Variants in TRPM3 observed in about 807,000 individuals in gnomAD.
The protein encoded by TRPM3 is long transient receptor potential channel 3.
TRPM3 carries 77 observed loss-of-function variants against 181.2 expected under a neutral mutation model. That is an observed-to-expected ratio of 0.42 (90% CI 0.35 to 0.51). TRPM3 has a LOEUF of 0.51. Among genes scored for constraint, TRPM3 ranks in the 20% least tolerant of loss-of-function variants. The pLI, the probability that TRPM3 is intolerant of heterozygous loss-of-function variation, is 0.01. For missense variants in TRPM3, 1,759 were observed against 2,196.7 expected, an observed-to-expected ratio of 0.80 and a Z score of 3.98; for synonymous variants, 745 against 796.4, an observed-to-expected ratio of 0.94 and a Z score of 1.09.
chr9:71,230,789 G>T (rs1281574784), intron 1 of TRPM3, among the ~76,000 whole-genome samples: 1 of 152,280 alleles, frequency 6.6e-6, no homozygotes, highest in East Asian at 1.9e-4. Flanking sequence ...GAACTGAAGA[G>T]CACCTAAGGC....
At chr9:70,701,605 G>C (rs1186256884) in intron 8 of TRPM3, among the ~76,000 whole-genome samples, 2 of 152,032 alleles carry the variant, frequency 1.3e-5, no homozygotes, top group Non-Finnish European at 2.9e-5. Context: ...GTAGTTAAGG[G>C]ATCTGTATTA....
chr9:70,995,341 G>T (rs1355079490), intron 1 of TRPM3, among the ~76,000 whole-genome samples: 1 of 152,180 alleles, frequency 6.6e-6, no homozygotes, highest in Non-Finnish European at 1.5e-5. Context: ...TAGTTCAGGG[G>T]AGATAAAAAG....
At chr9:71,291,295 C>T (rs1197079531) in intron 1 of TRPM3, among the ~76,000 whole-genome samples, 2 of 152,136 alleles carry the variant, frequency 1.3e-5, no homozygotes, top group African/African-American at 2.4e-5. Flanking sequence ...GCCAGCATAA[C>T]AAGGAAGTAA....
intron 1 of TRPM3, among the ~76,000 whole-genome samples, chr9:71,282,255 GAAA>G (rs2084844638): frequency 1.1e-5 from 1 of 91,220 alleles, no homozygotes; most frequent in African/African-American, 4.4e-5. Flanking sequence ...AAGAAAGAAA[GAAA>G]GGAAAGAAAG....
At chr9:71,422,846 T>C (rs2093801822) in intron 1 of TRPM3, among the ~76,000 whole-genome samples, 1 of 152,006 alleles carries the variant, frequency 6.6e-6, no homozygotes, top group South Asian at 2.1e-4. Flanking sequence ...TTAGATACCT[T>C]TCTGCTCAGT....
chr9:70,967,511 A>C (rs960793752), intron 1 of TRPM3, among the ~76,000 whole-genome samples: 1 of 152,166 alleles, frequency 6.6e-6, no homozygotes, highest in African/African-American at 2.4e-5. Context: ...AACTTATACT[A>C]CAGATAGTTG....
intron 1 of TRPM3, among the ~76,000 whole-genome samples, chr9:71,320,320 A>T (rs63108960): frequency 9.9e-6 from 1 of 101,416 alleles, no homozygotes; most frequent in Non-Finnish European, 2.3e-5. Context: ...AATGTTAATT[A>T]AAAAAAAAAA....
At chr9:70,843,242 T>G in intron 4 of TRPM3, 115 bp from the exon 5 acceptor site, 1 of 1,138,962 alleles carries the variant, frequency 8.8e-7, no homozygotes, top group Non-Finnish European at 1.2e-6. Flanking sequence ...AATATAAAAT[T>G]TTGACACATT....
In TRPM3 at chr9:70,904,743, C is replaced by T. The variant is rs147939322; in HGVS notation, c.178-40232G>A. On this transcript the variant is annotated intron_variant, in intron 1 of 25. Coordinates refer to ENST00000677713, the MANE Select transcript of TRPM3 (RefSeq NM_001366145.2). ...ATTTTTCAGAGGTGTTGAAGTTTTG[C>T]TGTAGAGACAGGTCAACAAGATTTA... Among the ~76,000 whole-genome samples, 123 of 152,234 alleles carry T rather than the reference C, an allele frequency of 8.1e-4. 1 individual carries two copies. The East Asian group carries it at 0.016, about 19-fold the overall frequency.
chr9:71,371,428 A>T (rs2092509543), intron 1 of TRPM3, among the ~76,000 whole-genome samples: 1 of 152,232 alleles, frequency 6.6e-6, no homozygotes, highest in Non-Finnish European at 1.5e-5. Flanking sequence ...TTACAACTAT[A>T]ATAGATGACT....
intron 1 of TRPM3, among the ~76,000 whole-genome samples, chr9:71,059,858 C>A (rs755523550): frequency 2.6e-5 from 4 of 152,004 alleles, no homozygotes; most frequent in Non-Finnish European, 5.9e-5. Flanking sequence ...CACACATACA[C>A]CCTATTGATT....
At chr9:70,757,477 C>T (rs917781739) in intron 8 of TRPM3, among the ~76,000 whole-genome samples, 8 of 152,170 alleles carry the variant, frequency 5.3e-5, no homozygotes, top group Non-Finnish European at 8.8e-5. Context: ...CTCTATAACT[C>T]GTTTTATGAA....
intron 1 of TRPM3, among the ~76,000 whole-genome samples, chr9:71,246,160 T>C (rs557865297): frequency 2.0e-4 from 30 of 152,310 alleles, no homozygotes; most frequent in African/African-American, 7.0e-4. Context: ...GATCCAATAA[T>C]GGGTACAAAA....
At chr9:70,980,157 T>C (rs1164328734) in intron 1 of TRPM3, among the ~76,000 whole-genome samples, 1 of 150,840 alleles carries the variant, frequency 6.6e-6, no homozygotes, top group Non-Finnish European at 1.5e-5. Flanking sequence ...AATATTTACA[T>C]TGAGGATAAC....
intron 1 of TRPM3, among the ~76,000 whole-genome samples, chr9:71,244,262 A>G (rs967540755): frequency 6.6e-6 from 1 of 152,152 alleles, no homozygotes; most frequent in Non-Finnish European, 1.5e-5. Context: ...GGGAGGCCAG[A>G]GTAGAGCTTT....
At chr9:71,062,711 T>C (rs1479477388) in intron 1 of TRPM3, among the ~76,000 whole-genome samples, 1 of 152,076 alleles carries the variant, frequency 6.6e-6, no homozygotes, top group East Asian at 1.9e-4. Context: ...AGGGCTCTAC[T>C]TCCATGAATG....
At chr9:71,121,707 TG>T (rs1034325767), upstream of TRPM3, 32 of 938,330 alleles carry the variant, frequency 3.4e-5, no homozygotes, top group East Asian at 8.0e-5. Flanking sequence ...TAGCTTGGTT[TG>T]GGGGGGAGCC....
chr9:71,350,799 A>T (rs117774143), intron 1 of TRPM3, among the ~76,000 whole-genome samples: 28 of 152,338 alleles, frequency 1.8e-4, no homozygotes, highest in Non-Finnish European at 4.0e-4. Flanking sequence ...AAATTTAATA[A>T]GCTTTATCTT....
At chr9:70,917,706 G>A (rs1197840231) in intron 1 of TRPM3, among the ~76,000 whole-genome samples, 1 of 151,576 alleles carries the variant, frequency 6.6e-6, no homozygotes, top group African/African-American at 2.4e-5. Context: ...TTTATTAAGA[G>A]GAAAACAGGA....
Sources: gnomAD v4.1 joint callset for allele counts (sites outside exome capture counted in the v4.1 genomes callset) on GRCh38, gnomAD v4.1.1 for gene constraint, MANE v1.5 for transcripts, NCBI Gene and HGNC (gene_info 2026-07-23, HGNC 2026-07-21) for gene names.